The following PYROXD2 variants were observed in gnomAD, a reference collection of about 807,000 sequenced individuals.
PYROXD2 encodes pyridine nucleotide-disulphide oxidoreductase domain 2.
PYROXD2 carries 69 observed loss-of-function variants against 71.1 expected under a neutral mutation model. That is an observed-to-expected ratio of 0.97 (90% CI 0.80 to 1.19). The LOEUF (loss-of-function observed/expected upper bound fraction) is 1.19, where lower values mean the gene tolerates loss of function less well. Among genes scored for constraint, PYROXD2 ranks in the 50% most tolerant of loss-of-function variants. The probability of loss-of-function intolerance (pLI) is 0.00; values close to 1 mark genes in which losing one functional copy is unlikely to be tolerated. For synonymous variants in PYROXD2, 287 were observed against 302.7 expected (o/e 0.95, Z 0.54); for missense variants, 745 against 748.9 (o/e 0.99, Z 0.06).
chr10:98,411,160 A>C, intron 1 of PYROXD2: 1 of 741,406 alleles, frequency 1.3e-6, no homozygotes, highest in East Asian at 2.8e-5. Flanking sequence ...GGAGTCAGAA[A>C]ACCCTGGTTC....
At chr10:98,391,698 C>T (rs1286082914) in intron 10 of PYROXD2, among the ~76,000 whole-genome samples, 3 of 152,180 alleles carry the variant, frequency 2.0e-5, no homozygotes, top group African/African-American at 7.2e-5. Context: ...AAACAGGATG[C>T]AAAGAGATCA....
At chr10:98,386,096 G>C (rs1266582719) in intron 14 of PYROXD2, among the ~76,000 whole-genome samples, 1 of 149,594 alleles carries the variant, frequency 6.7e-6, no homozygotes, top group African/African-American at 2.5e-5. Context: ...AGACAACACA[G>C]GGAGACTCAT....
At chr10:98,393,183 C>T (rs759208287) in intron 8 of PYROXD2, 100 bp from the exon 9 acceptor site, 1 of 947,232 alleles carries the variant, frequency 1.1e-6, no homozygotes. Flanking sequence ...TCAGCCCTTC[C>T]CTGCCACCAT....
At chr10:98,412,044 CAG>C (rs1404323665) in intron 1 of PYROXD2, among the ~76,000 whole-genome samples, 5 of 152,250 alleles carry the variant, frequency 3.3e-5, no homozygotes, top group Non-Finnish European at 7.3e-5. Context: ...GGCATGACCT[CAG>C]AGAGTCATCA....
intron 8 of PYROXD2, 78 bp from the exon 9 acceptor site, chr10:98,393,161 C>T (rs1843009013): frequency 1.7e-6 from 2 of 1,143,344 alleles, no homozygotes; most frequent in African/African-American, 3.2e-5. Context: ...CTATTCCTTT[C>T]CATCTTGATC....
chr10:98,395,209 T>C lies in PYROXD2; in HGVS notation c.772A>G (p.Thr258Ala), dbSNP rs1843122464. The C allele has an allele frequency of 6.2e-7, 1 of 1,613,682 alleles. No individual in the cohort carries two copies. The highest frequency in any genetic ancestry group is 8.5e-7 in the Non-Finnish European group (1 of 1,179,822). Residue 258 changes from threonine to alanine, a missense_variant, in exon 8 of 16, where the codon ACT becomes GCT. Coordinates refer to ENST00000370575, the MANE Select transcript of PYROXD2 (RefSeq NM_032709.3). The part of the protein sequence containing the change: ...AVIGAMTSPH[T>A]PGSGYVLLHH... ...CCCCTCACTCACCCACTCCCCGGAG[T>C]GTGGGGACTTGTCATGGCTCCAATC...
At chr10:98,394,543 A>AACACACACACACACACAC (rs58461142) in intron 8 of PYROXD2, among the ~76,000 whole-genome samples, 52 of 141,908 alleles carry the variant, frequency 3.7e-4, no homozygotes, top group African/African-American at 1.2e-3. Flanking sequence ...TCTCCATCCC[A>AACACACACACACACACAC]ACACACACAC....
At position 98,392,530 on chromosome 10, in the gene PYROXD2, C is replaced by T. The variant is rs778010316; in HGVS notation, c.964G>A (p.Val322Ile). The change falls in exon 10 of 16, where the codon GTT becomes ATT. Residue 322 changes from valine to isoleucine, a missense_variant. Coordinates refer to ENST00000370575, the MANE Select transcript of PYROXD2 (RefSeq NM_032709.3). Reference protein sequence around the residue: ...AKVQVNSEGCVQGVVLEDGTE... With the variant: ...AKVQVNSEGCIQGVVLEDGTE... ...CCATCTTCCAGCACAACTCCTTGAA[C>T]ACAGCCTTCACTGTTCACCTGCACC... 6 of 1,613,302 alleles carry T rather than the reference C, an allele frequency of 3.7e-6. No homozygotes were observed. Among genetic ancestry groups the T allele is most frequent in the Non-Finnish European group, 5.1e-6 (6 of 1,180,028 alleles).
At chr10:98,386,327 G>GAGGAAGGAAGGAAGGAAGGAAGGA (rs57195135) in intron 14 of PYROXD2, among the ~76,000 whole-genome samples, 5 of 134,932 alleles carry the variant, frequency 3.7e-5, no homozygotes, top group Admixed American at 3.0e-4. Flanking sequence ...GGAAGGGAGG[G>GAGGAAGGAAGGAAGGAAGGAAGGA]AGGAAGGAAG....
chr10:98,383,903 T>A (rs753492149), intron 15 of PYROXD2, 35 bp from the exon 16 acceptor site: 3 of 1,590,918 alleles, frequency 1.9e-6, no homozygotes, highest in African/African-American at 2.7e-5. Context: ...AAAGCTCCGC[T>A]CAAAAACCTG....
In PYROXD2 at chr10:98,387,112, A is replaced by C. The variant is rs539734539; in HGVS notation, c.1554+89T>G. Reference sequence around the variant, plus strand: ...CCTTCCTGATGAAAGCTGAGTATGGAGGGACAAGATAAAGCAGAGAGGTCA... The same window carrying C: ...CCTTCCTGATGAAAGCTGAGTATGGCGGGACAAGATAAAGCAGAGAGGTCA... On this transcript the variant is annotated intron_variant, in intron 14 of 15. Transcript: ENST00000370575. 6 of 959,096 alleles carry C rather than the reference A, an allele frequency of 6.3e-6. No individual in the cohort carries two copies. The South Asian group carries it at 9.7e-5, about 15-fold the overall frequency. The allele number at this position is 959,096 out of a possible 1,614,324, so 59.4% of individuals were successfully genotyped here.
chr10:98,410,930 G>A lies in PYROXD2; in HGVS notation c.147+9C>T, dbSNP rs1157285157. ...CCAGTGAAGTGGGATCAAGTGGGGA[G>A]GTACTCACAGCCACCAGTCCGTTGT... On this transcript the variant is annotated intron_variant, in intron 2 of 15. Coordinates refer to ENST00000370575, the MANE Select transcript of PYROXD2 (RefSeq NM_032709.3). 5 of 1,563,486 alleles carry A rather than the reference G, an allele frequency of 3.2e-6. No individual in the cohort carries two copies. The highest frequency in any genetic ancestry group is 4.3e-6 in the Non-Finnish European group (5 of 1,153,136).
At chr10:98,409,390 C>T (rs987678259) in intron 2 of PYROXD2, among the ~76,000 whole-genome samples, 8 of 152,196 alleles carry the variant, frequency 5.3e-5, no homozygotes, top group African/African-American at 9.7e-5. Flanking sequence ...CCCCTATTTT[C>T]GTAGGCCTTC....
In PYROXD2 at chr10:98,397,364, G is replaced by C. The variant is rs750520308; in HGVS notation, c.606C>G (p.Leu202=). Residue 202 remains leucine, a synonymous_variant, in exon 6 of 16, where the codon CTC becomes CTG. Transcript: ENST00000370575. ...LLQRMRSLST[L]KPLLKAGRIL... ...ACTTACCTGCCTTCAGCAGGGGCTT[G>C]AGGGTGGAGAGCGACCTCATCCTTT... 2.5e-6 allele frequency: 4 copies of C among 1,607,768 alleles called. No individual in the cohort carries two copies. The highest frequency in any genetic ancestry group is 3.4e-6 in the Non-Finnish European group (4 of 1,176,064).
At chr10:98,386,009 G>C (rs564159929) in intron 14 of PYROXD2, among the ~76,000 whole-genome samples, 3 of 152,208 alleles carry the variant, frequency 2.0e-5, no homozygotes, top group African/African-American at 7.2e-5. Context: ...GGTTGTGGTG[G>C]CCCATGCCTG....
chr10:98,411,370 T>C (rs569415273), intron 1 of PYROXD2: 1 of 211,408 alleles, frequency 4.7e-6, no homozygotes, highest in East Asian at 1.4e-4. Context: ...CCGTCTCGCA[T>C]GGCAGCATCA....
chr10:98,390,332 C>A (rs1333015007), intron 12 of PYROXD2, among the ~76,000 whole-genome samples: 1 of 152,156 alleles, frequency 6.6e-6, no homozygotes, highest in Non-Finnish European at 1.5e-5. Flanking sequence ...CCTCTTCTTC[C>A]CCAGCCCCAG....
In PYROXD2 at chr10:98,383,789, G is replaced by T; in HGVS notation, c.*9C>A. The T allele has an allele frequency of 1.9e-6, 3 of 1,612,810 alleles. No individual in the cohort carries two copies. Among genetic ancestry groups the T allele is most frequent in the South Asian group, 2.2e-5 (2 of 91,042 alleles). ...GGAGTCTTCTTCCTGGGTCAGAGCTGGTTCAGGGTCACATGCTCTTGAGGT... is the reference window on the plus strand; with the variant it reads ...GGAGTCTTCTTCCTGGGTCAGAGCTTGTTCAGGGTCACATGCTCTTGAGGT... On this transcript the variant is annotated 3_prime_UTR_variant, in exon 16 of 16. Coordinates refer to ENST00000370575, the MANE Select transcript of PYROXD2 (RefSeq NM_032709.3).
rs921785372 is a variant in PYROXD2 at position 98,383,579 on chromosome 10, T to C, written c.*219A>G. 3 of 597,932 alleles carry C rather than the reference T, an allele frequency of 5.0e-6. No homozygotes were observed. The highest frequency in any genetic ancestry group is 8.9e-6 in the Non-Finnish European group (3 of 335,256). The allele number at this position is 597,932 out of a possible 1,614,324, so 37.0% of individuals were successfully genotyped here. On this transcript the variant is annotated 3_prime_UTR_variant, in exon 16 of 16. Transcript: ENST00000370575. ...TACAAGCAAAATAATCTGTATGAAA[T>C]ATTAGTTTTAATAAAACAGAACCAG...
Sources: gnomAD v4.1 joint callset for allele counts (sites outside exome capture counted in the v4.1 genomes callset) on GRCh38, gnomAD v4.1.1 for gene constraint, MANE v1.5 for transcripts, NCBI Gene and HGNC (gene_info 2026-07-23, HGNC 2026-07-21) for gene names.